Variants in ESR1 observed in about 807,000 individuals in gnomAD.
ESR1 encodes the protein estrogen receptor.
In ESR1, 12 loss-of-function variants were observed where a neutral mutation model predicts 52.7. The observed-to-expected ratio is 0.23, with a 90% CI of 0.15 to 0.37. The LOEUF (loss-of-function observed/expected upper bound fraction) is 0.37, where lower values mean the gene tolerates loss of function less well. ESR1 is among the 10% of genes least tolerant of loss of function. The pLI is 1.00. For missense variants in ESR1, 584 were observed against 779.7 expected, an observed-to-expected ratio of 0.75 and a Z score of 2.99; for synonymous variants, 305 against 316.8, an observed-to-expected ratio of 0.96 and a Z score of 0.39.
At chr6:151,681,264 G>C (rs1562326057) in intron 1 of ESR1, among the ~76,000 whole-genome samples, 1 of 152,202 alleles carries the variant, frequency 6.6e-6, no homozygotes, top group Non-Finnish European at 1.5e-5. Flanking sequence ...GTAGACCATA[G>C]AAATAACGAT....
At chr6:151,887,233 A>C (rs758930963) in intron 3 of ESR1, among the ~76,000 whole-genome samples, 1 of 152,100 alleles carries the variant, frequency 6.6e-6, no homozygotes, top group Non-Finnish European at 1.5e-5. Context: ...TGAATTTAAG[A>C]AAAATGTTAA....
chr6:151,799,383 T>G (rs1777012797), intron 2 of ESR1, among the ~76,000 whole-genome samples: 1 of 152,244 alleles, frequency 6.6e-6, no homozygotes, highest in Non-Finnish European at 1.5e-5. Context: ...CTAGAAAATA[T>G]GAATCTGCTC....
chr6:151,965,769 C>T lies in ESR1; in HGVS notation c.1096+21261C>T, dbSNP rs367738874. On this transcript the variant is annotated intron_variant, in intron 4 of 7. Transcript: ENST00000206249. ...TGTACATTTACCCTTCTTTTCCATT[C>T]TTTTCCCCTACCCATTCTCCCCTTT... Among the ~76,000 whole-genome samples the T allele has an allele frequency of 1.1e-4, 16 of 152,092 alleles. 2 individuals carry two copies. Among genetic ancestry groups the T allele is most frequent in the Admixed American group, 9.2e-4 (14 of 15,248 alleles).
At chr6:152,011,618 T>G (rs1363245230) in intron 4 of ESR1, 38 bp from the exon 5 acceptor site, 1 of 1,612,666 alleles carries the variant, frequency 6.2e-7, no homozygotes, top group South Asian at 1.1e-5. Context: ...TGAGTCTTTT[T>G]CATTTGAGTC....
chr6:151,927,870 A>T (rs1460850911), intron 3 of ESR1, among the ~76,000 whole-genome samples: 1 of 138,196 alleles, frequency 7.2e-6, no homozygotes, highest in Non-Finnish European at 1.6e-5. Context: ...GGCATGCTCC[A>T]ATACACTTGG....
At chr6:151,836,073 C>A (rs1249878984) in intron 1 of ESR1, among the ~76,000 whole-genome samples, 1 of 151,914 alleles carries the variant, frequency 6.6e-6, no homozygotes, top group African/African-American at 2.4e-5. Flanking sequence ...TCTAGTAATT[C>A]AAATGTGGAG....
At chr6:151,765,077 C>T (rs555412553) in intron 2 of ESR1, among the ~76,000 whole-genome samples, 1 of 152,204 alleles carries the variant, frequency 6.6e-6, no homozygotes, top group East Asian at 1.9e-4. Context: ...TTTTGTTTGA[C>T]ATAATATAGC....
At chr6:151,976,881 T>C (rs1321518281) in intron 4 of ESR1, among the ~76,000 whole-genome samples, 1 of 151,932 alleles carries the variant, frequency 6.6e-6, no homozygotes, top group Non-Finnish European at 1.5e-5. Flanking sequence ...AAAATATATG[T>C]AAATATAAAA....
At chr6:151,709,650 C>A (rs1780440236) in intron 2 of ESR1, among the ~76,000 whole-genome samples, 1 of 152,024 alleles carries the variant, frequency 6.6e-6, no homozygotes, top group Non-Finnish European at 1.5e-5. Flanking sequence ...TTCATAATAC[C>A]CATTCTAACA....
At chr6:151,979,241 A>G (rs1469517057) in intron 4 of ESR1, among the ~76,000 whole-genome samples, 1 of 152,146 alleles carries the variant, frequency 6.6e-6, no homozygotes, top group Admixed American at 6.5e-5. Context: ...GTTTCAACGT[A>G]TAAATTTTGG....
chr6:152,109,816 A>G (rs953082538), intron 6 of ESR1, among the ~76,000 whole-genome samples: 10 of 152,142 alleles, frequency 6.6e-5, no homozygotes, highest in African/African-American at 2.2e-4. Flanking sequence ...CCTATAGATA[A>G]CCTGGGGTGC....
At chr6:151,696,235 C>T (rs1471515545) in intron 1 of ESR1, among the ~76,000 whole-genome samples, 1 of 152,028 alleles carries the variant, frequency 6.6e-6, no homozygotes, top group Non-Finnish European at 1.5e-5. Context: ...TTTTGGGAGG[C>T]TGAGGCCAGT....
intron 3 of ESR1, among the ~76,000 whole-genome samples, chr6:151,899,201 T>C (rs1466293198): frequency 2.6e-3 from 311 of 118,964 alleles, no homozygotes; most frequent in Admixed American, 4.9e-3. Context: ...TAGGGGCAGC[T>C]GGGCAGAGGC....
intron 6 of ESR1, among the ~76,000 whole-genome samples, chr6:152,070,546 C>T (rs1404803149): frequency 7.2e-6 from 1 of 138,462 alleles, no homozygotes; most frequent in Non-Finnish European, 1.5e-5. Context: ...TGAAATGGAA[C>T]ATCAAACTGT....
At chr6:151,827,097 A>G (rs563628048) in intron 1 of ESR1, among the ~76,000 whole-genome samples, 1 of 152,136 alleles carries the variant, frequency 6.6e-6, no homozygotes, top group South Asian at 2.1e-4. Context: ...GCTGAGGCAG[A>G]TGGGTCACCT....
chr6:152,022,010 T>A (rs538225748), intron 5 of ESR1, among the ~76,000 whole-genome samples: 2 of 152,180 alleles, frequency 1.3e-5, no homozygotes, highest in Admixed American at 1.3e-4. Flanking sequence ...CTCATGTATG[T>A]CTTTATCAGC....
intron 1 of ESR1, among the ~76,000 whole-genome samples, chr6:151,818,672 CT>C (rs1780054527): frequency 6.6e-6 from 1 of 152,010 alleles, no homozygotes; most frequent in South Asian, 2.1e-4. Context: ...TCATTCTTGC[CT>C]TTCTCTACAC....
intron 2 of ESR1, among the ~76,000 whole-genome samples, chr6:151,741,819 C>T (rs912879490): frequency 2.0e-5 from 3 of 152,092 alleles, no homozygotes; most frequent in Non-Finnish European, 2.9e-5. Flanking sequence ...AGCAAAAATG[C>T]GGAATACAGT....
intron 3 of ESR1, among the ~76,000 whole-genome samples, chr6:151,942,309 A>G (rs1400876331): frequency 1.3e-5 from 2 of 152,210 alleles, no homozygotes; most frequent in African/African-American, 4.8e-5. Context: ...ATCTCTGTTT[A>G]ACTGAAAACA....
Sources: allele counts gnomAD v4.1 joint callset (sites outside exome capture counted in the v4.1 genomes callset), GRCh38; gene constraint gnomAD v4.1.1; transcripts MANE v1.5; gene names NCBI Gene and HGNC (gene_info 2026-07-23, HGNC 2026-07-21).